The following CLMP variants were observed in gnomAD, a reference collection of about 807,000 sequenced individuals.
CLMP encodes the protein CXADR-like membrane protein.
A neutral mutation model predicts 45.2 loss-of-function variants in CLMP; 27 were observed. The observed-to-expected ratio is 0.60, with a 90% CI of 0.44 to 0.82. The LOEUF (loss-of-function observed/expected upper bound fraction) is 0.82, where lower values mean the gene tolerates loss of function less well. Among genes scored for constraint, CLMP ranks in the 40% least tolerant of loss-of-function variants. The pLI is 0.00. For missense variants in CLMP, 403 were observed against 448.4 expected (o/e 0.90, Z 0.91); for synonymous variants, 167 against 171.4 (o/e 0.97, Z 0.20).
chr11:123,166,154 G>A (rs1304529139), intron 1 of CLMP, among the ~76,000 whole-genome samples: 4 of 152,146 alleles, frequency 2.6e-5, no homozygotes, highest in Admixed American at 1.3e-4. Flanking sequence ...CGCATCGTGA[G>A]GCTTCATACC....
At chr11:123,127,701 A>G (rs931762310) in intron 1 of CLMP, among the ~76,000 whole-genome samples, 6 of 152,146 alleles carry the variant, frequency 3.9e-5, no homozygotes, top group African/African-American at 1.4e-4. Flanking sequence ...ATGAACTTAC[A>G]TGCAATCATC....
rs1565397469 is a variant in CLMP, at chr11:123,150,484, G to GAAAGAAAGAAAGAAAGA, written c.28+44428_28+44429insTCTTTCTTTCTTTCTTT. Among the ~76,000 whole-genome samples the GAAAGAAAGAAAGAAAGA allele has an allele frequency of 1.7e-3, 57 of 33,076 alleles. 1 individual carries two copies. The highest frequency in any genetic ancestry group is 0.019 in the Middle Eastern group (1 of 54). 21.7% of individuals were successfully genotyped at this position (33,076 alleles called of 152,430 possible). A position where few individuals can be genotyped will look rare whatever the true frequency, so the allele number is the denominator to read the frequency against. ...GAAAGAAAGAAAGAAAGAAAGAAAG[G>GAAAGAAAGAAAGAAAGA]AAGGAAGGAAGGAAGGAAGGAAGGA... is the stretch of plus-strand genomic sequence containing the variant. On this transcript the variant is annotated intron_variant, in intron 1 of 6. Transcript: ENST00000448775.
chr11:123,128,866 C>T (rs1350975444), intron 1 of CLMP, among the ~76,000 whole-genome samples: 1 of 152,110 alleles, frequency 6.6e-6, no homozygotes, highest in East Asian at 1.9e-4. Flanking sequence ...CTTTTTTAAT[C>T]CTTACACAAC....
chr11:123,137,457 C>T (rs1410006476), intron 1 of CLMP, among the ~76,000 whole-genome samples: 1 of 151,866 alleles, frequency 6.6e-6, no homozygotes, highest in African/African-American at 2.4e-5. Context: ...GTGGAGCCGA[C>T]AGGGTCCCAG....
At chr11:123,096,988 A>G (rs1865998521) in intron 2 of CLMP, among the ~76,000 whole-genome samples, 1 of 151,846 alleles carries the variant, frequency 6.6e-6, no homozygotes, top group South Asian at 2.1e-4. Context: ...AGCTGGGACT[A>G]TGGGCATGTG....
intron 5 of CLMP, among the ~76,000 whole-genome samples, chr11:123,075,861 A>T (rs1389237893): frequency 6.6e-6 from 1 of 152,140 alleles, no homozygotes; most frequent in African/African-American, 2.4e-5. Context: ...CCCACCAGTC[A>T]TATAAAAGGG....
chr11:123,180,122 G>C (rs1449940293), intron 1 of CLMP, among the ~76,000 whole-genome samples: 1 of 152,228 alleles, frequency 6.6e-6, no homozygotes, highest in Non-Finnish European at 1.5e-5. Context: ...TTGCTTACCA[G>C]CTGTGTCACC....
chr11:123,153,183 C>T (rs1861364595), intron 1 of CLMP, among the ~76,000 whole-genome samples: 1 of 152,200 alleles, frequency 6.6e-6, no homozygotes, highest in Non-Finnish European at 1.5e-5. Context: ...TGCAGCAAGG[C>T]TGACATTCAA....
chr11:123,079,691 C>A (rs545088030), intron 5 of CLMP, among the ~76,000 whole-genome samples: 3 of 152,214 alleles, frequency 2.0e-5, no homozygotes, highest in Admixed American at 6.5e-5. Context: ...GTGATCCGCC[C>A]GCCTCGACCT....
intron 5 of CLMP, among the ~76,000 whole-genome samples, chr11:123,080,976 C>G (rs1267413989): frequency 1.3e-5 from 2 of 151,846 alleles, no homozygotes; most frequent in African/African-American, 4.8e-5. Context: ...AACCCCGTCT[C>G]TACTACTAAA....
chr11:123,076,844 A>C (rs1214523930), intron 5 of CLMP, among the ~76,000 whole-genome samples: 1 of 152,172 alleles, frequency 6.6e-6, no homozygotes, highest in Non-Finnish European at 1.5e-5. Flanking sequence ...GTAGGAAAGA[A>C]AGCAGGGACA....
rs573597013 is a variant in CLMP, at chr11:123,084,741, G to A, written c.187-28C>T. On this transcript the variant is annotated intron_variant, in intron 2 of 6. Coordinates refer to ENST00000448775, the MANE Select transcript of CLMP (RefSeq NM_024769.5). Reference sequence around the variant, plus strand: ...GTGGGATAGACCGAGGCAGAGTCAAGCAGCGTAACTCTCAGCCTGCCTTTC... The same window carrying A: ...GTGGGATAGACCGAGGCAGAGTCAAACAGCGTAACTCTCAGCCTGCCTTTC... The A allele has an allele frequency of 1.0e-4, 162 of 1,596,354 alleles. 2 individuals are homozygous for A. In the South Asian group the frequency reaches 1.5e-3, roughly 15 times the overall value.
chr11:123,152,589 G>C (rs1040387370), intron 1 of CLMP, among the ~76,000 whole-genome samples: 1 of 151,746 alleles, frequency 6.6e-6, no homozygotes, highest in Non-Finnish European at 1.5e-5. Context: ...TGAAAGCTAA[G>C]GAGAGAGGCC....
chr11:123,174,369 A>G (rs1300793302), intron 1 of CLMP, among the ~76,000 whole-genome samples: 1 of 152,236 alleles, frequency 6.6e-6, no homozygotes, highest in Non-Finnish European at 1.5e-5. Flanking sequence ...TCAGGGAAAC[A>G]AGATGGTTAA....
In CLMP at chr11:123,069,910, T is replaced by C. The variant is rs1323687141; in HGVS notation, c.*3564A>G. The C allele has an allele frequency of 6.6e-6, 1 of 152,226 alleles. No individual in the cohort carries two copies. Among genetic ancestry groups the C allele is most frequent in the East Asian group, 1.9e-4 (1 of 5,200 alleles). 9.4% of individuals were successfully genotyped at this position (152,226 alleles called of 1,614,324 possible). ...TTTATTTTTTAATTGCTGATACAGA[T>C]GCATCCATAATAAATATTTGGTTTT... On this transcript the variant is annotated 3_prime_UTR_variant, in exon 7 of 7. Transcript: ENST00000448775.
intron 1 of CLMP, among the ~76,000 whole-genome samples, chr11:123,170,207 C>A (rs865860331): frequency 2.5e-4 from 38 of 152,102 alleles, no homozygotes; most frequent in African/African-American, 8.7e-4. Context: ...ATTTTCATTT[C>A]CTTCCTTATT....
At chr11:123,074,902 TTAACTCAAAAAACA>T in intron 5 of CLMP, 59 bp from the exon 6 acceptor site, 1 of 1,567,466 alleles carries the variant, frequency 6.4e-7, no homozygotes, top group Non-Finnish European at 8.7e-7. Flanking sequence ...AAATATGTTA[TTAACTCAAAAAACA>T]TAAGCTCTGG....
chr11:123,078,754 C>T (rs997094924), intron 5 of CLMP, among the ~76,000 whole-genome samples: 2 of 151,564 alleles, frequency 1.3e-5, no homozygotes, highest in African/African-American at 2.4e-5. Flanking sequence ...ACACCATTCT[C>T]CTGCCTCAGC....
chr11:123,155,503 G>A (rs1861401090), intron 1 of CLMP, among the ~76,000 whole-genome samples: 1 of 152,216 alleles, frequency 6.6e-6, no homozygotes, highest in Non-Finnish European at 1.5e-5. Flanking sequence ...CGCCCATCGT[G>A]TGAGGAAGGT....
Sources: gnomAD v4.1 joint callset for allele counts (sites outside exome capture counted in the v4.1 genomes callset) on GRCh38, gnomAD v4.1.1 for gene constraint, MANE v1.5 for transcripts, NCBI Gene and HGNC (gene_info 2026-07-23, HGNC 2026-07-21) for gene names.